Variants in RAPGEF2 observed in about 807,000 individuals in gnomAD.
The protein encoded by RAPGEF2 is Rap guanine nucleotide exchange factor 2.
Under a neutral mutation model 186.7 loss-of-function variants are expected in RAPGEF2, and 54 were observed. The ratio of observed to expected loss-of-function variants is 0.29; its 90% CI spans 0.23 to 0.36. The LOEUF (loss-of-function observed/expected upper bound fraction) is 0.36, where lower values mean the gene tolerates loss of function less well. Among genes scored for constraint, RAPGEF2 ranks in the 10% least tolerant of loss-of-function variants. The probability of loss-of-function intolerance (pLI) is 1.00; values close to 1 mark genes in which losing one functional copy is unlikely to be tolerated. For missense variants in RAPGEF2, 1,532 were observed against 2,045.0 expected, an observed-to-expected ratio of 0.75 and a Z score of 4.84; for synonymous variants, 712 against 705.9, an observed-to-expected ratio of 1.01 and a Z score of -0.14.
At chr4:159,357,500 C>G (rs2111359690) in intron 29 of RAPGEF2, among the ~76,000 whole-genome samples, 1 of 152,272 alleles carries the variant, frequency 6.6e-6, no homozygotes, top group South Asian at 2.1e-4. Flanking sequence ...CATGGCCTCC[C>G]ATCTTCTTTA....
At chr4:159,307,740 G>T (rs954162907) in intron 8 of RAPGEF2, among the ~76,000 whole-genome samples, 1 of 152,210 alleles carries the variant, frequency 6.6e-6, no homozygotes, top group African/African-American at 2.4e-5. Flanking sequence ...GGGGGGCCAA[G>T]GCAGGCAGAT....
At position 159,346,784 on chromosome 4, in the gene RAPGEF2, A is replaced by G. The variant is rs17038050; in HGVS notation, c.3503-5A>G. The stretch of plus-strand genomic sequence containing the variant: ...GTTCTATTTTCAAACCCAAACAATT[A>G]TCAGTGCCTAAGAATCCTGGTGACA... On this transcript the variant is annotated splice_polypyrimidine_tract_variant and splice_region_variant and intron_variant, in intron 24 of 29. Transcript: ENST00000691494. 4,539 of 1,612,788 alleles carry G rather than the reference A, an allele frequency of 2.8e-3. 111 individuals carry two copies. The African/African-American group carries it at 0.053, about 19-fold the overall frequency.
chr4:159,207,874 GAATA>G (rs1301266993), intron 3 of RAPGEF2, among the ~76,000 whole-genome samples: 1 of 152,148 alleles, frequency 6.6e-6, no homozygotes, highest in Non-Finnish European at 1.5e-5. Flanking sequence ...CAGAATTTGA[GAATA>G]ATGCTGTCAT....
At chr4:159,240,811 T>G (rs1278907446) in intron 5 of RAPGEF2, among the ~76,000 whole-genome samples, 1 of 131,726 alleles carries the variant, frequency 7.6e-6, no homozygotes, top group Non-Finnish European at 1.5e-5. Context: ...ATCAGGGTTT[T>G]TTTTTTTTTT....
intron 1 of RAPGEF2, among the ~76,000 whole-genome samples, chr4:159,177,040 T>C (rs1257371336): frequency 6.6e-6 from 1 of 152,208 alleles, no homozygotes; most frequent in Admixed American, 6.5e-5. Context: ...CATTCTCCTC[T>C]TTCTCAATCT....
intron 1 of RAPGEF2, among the ~76,000 whole-genome samples, chr4:159,141,519 A>T (rs1270152084): frequency 6.6e-6 from 1 of 152,056 alleles, no homozygotes; most frequent in Non-Finnish European, 1.5e-5. Flanking sequence ...GTGTTTGTAG[A>T]TGCTTTTTGT....
chr4:159,279,464 A>G (rs1263332169), intron 7 of RAPGEF2, among the ~76,000 whole-genome samples: 1 of 152,098 alleles, frequency 6.6e-6, no homozygotes, highest in East Asian at 1.9e-4. Context: ...TTTAGAAGTG[A>G]TTTTCTTTCA....
chr4:159,220,079 G>A (rs930933515), intron 4 of RAPGEF2, among the ~76,000 whole-genome samples: 6 of 152,312 alleles, frequency 3.9e-5, no homozygotes, highest in Non-Finnish European at 8.8e-5. Flanking sequence ...GGAGTCCTAT[G>A]TGACCTAACA....
chr4:159,267,919 A>G, intron 7 of RAPGEF2: 1 of 1,261,794 alleles, frequency 7.9e-7, no homozygotes, highest in Non-Finnish European at 1.0e-6. Context: ...TAGGATGGTT[A>G]GAGTTTCAAT....
In RAPGEF2 at chr4:159,314,678, A is replaced by G; in HGVS notation, c.763A>G (p.Ile255Val). ...CGAAGACGACGACGATGAAGAAGAC[A>G]TTGAGAGAGCATCAGATCCTCTGAT... Reference protein sequence around the residue: ...DSEDDDDEEDIERASDPLMSR... With the variant: ...DSEDDDDEEDVERASDPLMSR... The change falls in exon 9 of 30, where the codon ATT (isoleucine) becomes GTT (valine). Residue 255 changes from isoleucine (I) to valine (V), a missense_variant. Transcript: ENST00000691494. The G allele has an allele frequency of 6.2e-7, 1 of 1,614,110 alleles. No homozygotes were observed. The highest frequency in any genetic ancestry group is 8.5e-7 in the Non-Finnish European group (1 of 1,179,976).
chr4:159,348,906 C>T (rs1489018595), intron 25 of RAPGEF2, among the ~76,000 whole-genome samples: 3 of 152,262 alleles, frequency 2.0e-5, no homozygotes, highest in South Asian at 4.2e-4. Context: ...ACAGGTGTTC[C>T]CCCCACTCCA....
chr4:159,319,131 T>G (rs1360469001), intron 9 of RAPGEF2, among the ~76,000 whole-genome samples: 1 of 152,080 alleles, frequency 6.6e-6, no homozygotes, highest in Non-Finnish European at 1.5e-5. Flanking sequence ...ACCTATGGCA[T>G]TGTCAGAGTT....
At chr4:159,267,960 C>T (rs982671535) in intron 7 of RAPGEF2, 17 of 1,372,638 alleles carry the variant, frequency 1.2e-5, no homozygotes, top group South Asian at 3.6e-5. Context: ...CACTGTTGTT[C>T]GGATTCCTTT....
At chr4:159,322,278 A>G (rs1305567269) in intron 9 of RAPGEF2, 69 bp from the exon 10 acceptor site, 8 of 1,473,644 alleles carry the variant, frequency 5.4e-6, no homozygotes, top group Non-Finnish European at 7.5e-6. Context: ...GGACCCTAAA[A>G]CATTCTTTTT....
chr4:159,267,712 A>G (rs1244459151), intron 7 of RAPGEF2: 1 of 1,003,876 alleles, frequency 1.0e-6, no homozygotes, highest in Non-Finnish European at 1.2e-6. Flanking sequence ...CCTGGTTCTT[A>G]TACCACCCTG....
rs937769519 is a variant in RAPGEF2 at position 159,222,323 on chromosome 4, G to A, written c.281+11740G>A. On this transcript the variant is annotated intron_variant, in intron 4 of 29. Transcript: ENST00000691494. ...TAGTGTCTTAACACAGTAAGTAGCCGTAAAGAGAAGGACTCATATTTTTTG... is the reference window on the plus strand; with the variant it reads ...TAGTGTCTTAACACAGTAAGTAGCCATAAAGAGAAGGACTCATATTTTTTG... Among the ~76,000 whole-genome samples, 8 of 152,192 alleles carry A rather than the reference G, an allele frequency of 5.3e-5. No individual in the cohort carries two copies. The East Asian group carries it at 7.7e-4, about 15-fold the overall frequency.
Position 159,180,898 on chromosome 4 carries a change from T to C in RAPGEF2, c.70-5744T>C, listed in dbSNP as rs535557837. On this transcript the variant is annotated intron_variant, in intron 1 of 29. Coordinates refer to ENST00000691494, the MANE Select transcript of RAPGEF2 (RefSeq NM_001394067.2). ...TGATTGATTTACTTATGTCAGTGAATTATAGGTGATAATATTCCATTCTTT... is the reference window on the plus strand; with the variant it reads ...TGATTGATTTACTTATGTCAGTGAACTATAGGTGATAATATTCCATTCTTT... 1.3e-5 allele frequency among the ~76,000 whole-genome samples: 2 copies of C among 152,332 alleles called. 1 individual carries two copies. The highest frequency in any genetic ancestry group is 4.1e-4 in the South Asian group (2 of 4,830).
intron 1 of RAPGEF2, among the ~76,000 whole-genome samples, chr4:159,136,717 A>G (rs1741762488): frequency 6.6e-6 from 1 of 152,182 alleles, no homozygotes; most frequent in Non-Finnish European, 1.5e-5. Flanking sequence ...CTATAATTAT[A>G]TATTTTACTC....
At chr4:159,104,568 GTGTA>G (rs1193894003) in intron 1 of RAPGEF2, among the ~76,000 whole-genome samples, 4 of 148,588 alleles carry the variant, frequency 2.7e-5, no homozygotes, top group African/African-American at 7.8e-5. Flanking sequence ...GTGTGTGTGT[GTGTA>G]TGTGTGTGAA....
Sources: allele counts gnomAD v4.1 joint callset (sites outside exome capture counted in the v4.1 genomes callset), GRCh38; gene constraint gnomAD v4.1.1; transcripts MANE v1.5; gene names NCBI Gene and HGNC (gene_info 2026-07-23, HGNC 2026-07-21).